The following SPIDR variants were observed in gnomAD, a reference collection of about 807,000 sequenced individuals.
SPIDR encodes DNA repair-scaffolding protein.
SPIDR carries 93 observed loss-of-function variants against 104.6 expected under a neutral mutation model. That is an observed-to-expected ratio of 0.89 (90% CI 0.75 to 1.06). SPIDR has a LOEUF of 1.06. Ranked by LOEUF, SPIDR falls within the 50% of genes least tolerant of loss-of-function variation. The pLI is 0.00. For missense variants in SPIDR, 1,154 were observed against 1,111.2 expected (o/e 1.04, Z -0.55); for synonymous variants, 431 against 416.9 (o/e 1.03, Z -0.41).
At chr8:47,292,573 T>C (rs1302653407) in intron 4 of SPIDR, among the ~76,000 whole-genome samples, 21 of 152,188 alleles carry the variant, frequency 1.4e-4, no homozygotes, top group Admixed American at 1.4e-3. Flanking sequence ...TTTTTACCAA[T>C]TGTCTAAAAG....
chr8:47,336,121 T>C (rs782022495), intron 5 of SPIDR, among the ~76,000 whole-genome samples: 6 of 152,206 alleles, frequency 3.9e-5, no homozygotes, highest in Non-Finnish European at 8.8e-5. Context: ...TCTTAGATAC[T>C]CTATTTTTTT....
rs541846921 is a variant in SPIDR, at chr8:47,559,179, TAAA to T, written c.1098-36629_1098-36627del. Among the ~76,000 whole-genome samples the T allele has an allele frequency of 2.4e-3, 365 of 152,286 alleles. 1 individual carries two copies. The highest frequency in any genetic ancestry group is 6.8e-3 in the Middle Eastern group (2 of 294). On this transcript the variant is annotated intron_variant, in intron 8 of 19. Coordinates refer to ENST00000297423, the MANE Select transcript of SPIDR (RefSeq NM_001080394.4). ...TCAACTGTATAATATAAAAGGAAAA[TAAA>T]AACACTTTAGTTATACAGAGGTTAA...
At chr8:47,466,900 A>AATATATAT (rs1554717438) in intron 8 of SPIDR, among the ~76,000 whole-genome samples, 3 of 114,368 alleles carry the variant, frequency 2.6e-5, no homozygotes, top group South Asian at 2.9e-4. Flanking sequence ...AAAAAAAAAA[A>AATATATAT]ATATATATAT....
At chr8:47,395,500 T>C (rs1554657767) in intron 5 of SPIDR, among the ~76,000 whole-genome samples, 1 of 152,228 alleles carries the variant, frequency 6.6e-6, no homozygotes, top group African/African-American at 2.4e-5. Context: ...GAAGTTAGAA[T>C]ATTGAAGGAT....
intron 6 of SPIDR, among the ~76,000 whole-genome samples, chr8:47,405,340 A>G (rs782648981): frequency 4.0e-5 from 6 of 151,414 alleles, no homozygotes; most frequent in South Asian, 2.1e-4. Flanking sequence ...GTGTGTGTGT[A>G]TATATATATG....
Position 47,317,814 on chromosome 8 carries a change from A to G in SPIDR, c.525+23784A>G, listed in dbSNP as rs199672922. On this transcript the variant is annotated intron_variant, in intron 5 of 19. Transcript: ENST00000297423. ...CGGTATCCGCTGTTCTGCAGCCTCC[A>G]CTGCTGATACTCAGGGAAACAGGGT... 4.6e-5 allele frequency among the ~76,000 whole-genome samples: 7 copies of G among 152,254 alleles called. No homozygotes were observed. The South Asian group carries it at 1.5e-3, about 32-fold the overall frequency.
At chr8:47,677,113 C>G (rs919274023) in intron 11 of SPIDR, among the ~76,000 whole-genome samples, 3 of 152,200 alleles carry the variant, frequency 2.0e-5, no homozygotes, top group African/African-American at 7.2e-5. Flanking sequence ...TCCTTCCTCT[C>G]CGGGGCACAC....
intron 8 of SPIDR, among the ~76,000 whole-genome samples, chr8:47,521,545 TC>T (rs1415886811): frequency 6.7e-6 from 1 of 149,990 alleles, no homozygotes; most frequent in Non-Finnish European, 1.5e-5. Flanking sequence ...TGCCTTAGCC[TC>T]CGGAGTAGCT....
chr8:47,717,185 C>T (rs1400852345), intron 16 of SPIDR, among the ~76,000 whole-genome samples: 1 of 152,144 alleles, frequency 6.6e-6, no homozygotes, highest in African/African-American at 2.4e-5. Flanking sequence ...ACCCATCGCT[C>T]GCTTCCAGGG....
At chr8:47,300,076 G>T (rs1311804524) in intron 5 of SPIDR, among the ~76,000 whole-genome samples, 2 of 152,136 alleles carry the variant, frequency 1.3e-5, no homozygotes, top group Non-Finnish European at 2.9e-5. Flanking sequence ...GAATCCGTCT[G>T]GTCCTGGACT....
chr8:47,731,542 G>A (rs2085235119), intron 19 of SPIDR, among the ~76,000 whole-genome samples: 1 of 152,262 alleles, frequency 6.6e-6, no homozygotes, highest in Non-Finnish European at 1.5e-5. Flanking sequence ...AGGGGGATGA[G>A]TGCAGTGCCC....
chr8:47,504,611 A>G (rs1055997426), intron 8 of SPIDR, among the ~76,000 whole-genome samples: 1 of 152,108 alleles, frequency 6.6e-6, no homozygotes, highest in East Asian at 1.9e-4. Flanking sequence ...TAGTTTGATC[A>G]TCTGAAGCCT....
intron 10 of SPIDR, among the ~76,000 whole-genome samples, chr8:47,599,924 AT>A (rs1210444351): frequency 2.0e-5 from 3 of 152,062 alleles, no homozygotes; most frequent in Non-Finnish European, 4.4e-5. Context: ...TGCCTGGCTA[AT>A]TTTTGTATTT....
At chr8:47,526,994 A>G (rs569870497) in intron 8 of SPIDR, among the ~76,000 whole-genome samples, 57 of 152,162 alleles carry the variant, frequency 3.7e-4, no homozygotes, top group South Asian at 6.2e-4. Flanking sequence ...TAATTCACAC[A>G]TTGCCAGAGG....
chr8:47,487,451 CAG>C (rs2077860759), intron 8 of SPIDR, among the ~76,000 whole-genome samples: 1 of 152,092 alleles, frequency 6.6e-6, no homozygotes, highest in African/African-American at 2.4e-5. Flanking sequence ...ATCAACGAGA[CAG>C]AAAGTTAAAA....
chr8:47,320,521 A>G (rs1166021275), intron 5 of SPIDR, among the ~76,000 whole-genome samples: 1 of 152,234 alleles, frequency 6.6e-6, no homozygotes. Context: ...CAGAGGTACA[A>G]GGAGGAGCTG....
intron 5 of SPIDR, among the ~76,000 whole-genome samples, chr8:47,335,038 C>T (rs188573482): frequency 2.4e-4 from 36 of 152,208 alleles, no homozygotes; most frequent in Admixed American, 2.2e-3. Flanking sequence ...CCTAATTTCT[C>T]CTTCTGTTCC....
At chr8:47,405,566 T>C (rs976245840) in intron 6 of SPIDR, among the ~76,000 whole-genome samples, 1 of 152,202 alleles carries the variant, frequency 6.6e-6, no homozygotes, top group African/African-American at 2.4e-5. Flanking sequence ...TTTATAGAAA[T>C]GTTTACCAAT....
intron 7 of SPIDR, among the ~76,000 whole-genome samples, chr8:47,413,819 C>A (rs953961659): frequency 2.0e-5 from 3 of 151,956 alleles, no homozygotes; most frequent in African/African-American, 7.3e-5. Context: ...TCCTTATTTT[C>A]CAGATAAAAA....
Sources: gnomAD v4.1 joint callset for allele counts (sites outside exome capture counted in the v4.1 genomes callset) on GRCh38, gnomAD v4.1.1 for gene constraint, MANE v1.5 for transcripts, NCBI Gene and HGNC (gene_info 2026-07-23, HGNC 2026-07-21) for gene names.